INPP4A: variants seen among roughly 807,000 people sequenced by gnomAD.
INPP4A encodes the protein inositol polyphosphate-4-phosphatase type I A.
INPP4A carries 33 observed loss-of-function variants against 119.8 expected under a neutral mutation model. That is an observed-to-expected ratio of 0.28 (90% CI 0.21 to 0.37). The LOEUF is 0.37. Ranked by LOEUF, INPP4A falls within the 10% of genes least tolerant of loss-of-function variation. The probability of loss-of-function intolerance (pLI) is 1.00; values close to 1 mark genes in which losing one functional copy is unlikely to be tolerated. For synonymous variants in INPP4A, 496 were observed against 500.7 expected, an observed-to-expected ratio of 0.99 and a Z score of 0.12; for missense variants, 956 against 1,289.9, an observed-to-expected ratio of 0.74 and a Z score of 3.97.
intron 4 of INPP4A, among the ~76,000 whole-genome samples, chr2:98,523,024 T>TAA (rs1237265680): frequency 1.6e-4 from 25 of 152,330 alleles, no homozygotes; most frequent in African/African-American, 5.5e-4. Context: ...GTTCTCATCC[T>TAA]AAAGAGGGAC....
rs149845045 is a variant in INPP4A, at chr2:98,560,680, C to A, written c.1855+1185C>A. Reference sequence around the variant, plus strand: ...CCTCCGTTGCCTCCCCGGGCCCATGCCTCAGCTGACCTCCACGGCAGGCCA... The same window carrying A: ...CCTCCGTTGCCTCCCCGGGCCCATGACTCAGCTGACCTCCACGGCAGGCCA... On this transcript the variant is annotated intron_variant, in intron 17 of 24. Transcript: ENST00000409851. 3.4e-3 allele frequency among the ~76,000 whole-genome samples: 523 copies of A among 152,350 alleles called. 2 individuals carry two copies. The highest frequency in any genetic ancestry group is 0.012 in the African/African-American group (502 of 41,576).
At chr2:98,450,445 C>T (rs945970042) in intron 1 of INPP4A, among the ~76,000 whole-genome samples, 1 of 152,224 alleles carries the variant, frequency 6.6e-6, no homozygotes, top group African/African-American at 2.4e-5. Context: ...GCATACACAT[C>T]TTTCGAAACC....
intron 1 of INPP4A, among the ~76,000 whole-genome samples, chr2:98,450,834 C>T (rs1447877709): frequency 6.6e-6 from 1 of 152,140 alleles, no homozygotes; most frequent in Non-Finnish European, 1.5e-5. Flanking sequence ...CTCTAGCCTG[C>T]AACCTCGGCT....
chr2:98,478,484 T>TA (rs1311274080), intron 1 of INPP4A, among the ~76,000 whole-genome samples: 1 of 152,086 alleles, frequency 6.6e-6, no homozygotes, highest in Admixed American at 6.5e-5. Context: ...GCGCTGCTGT[T>TA]AGAGTCAAGG....
At chr2:98,563,768 T>C (rs1041928389) in intron 18 of INPP4A, 131 bp downstream of exon 18, 4 of 874,454 alleles carry the variant, frequency 4.6e-6, no homozygotes, top group Admixed American at 2.8e-5. Flanking sequence ...CTGGTGGTGC[T>C]TTAAAGGTTA....
intron 7 of INPP4A, among the ~76,000 whole-genome samples, chr2:98,537,621 C>G (rs1009577629): frequency 2.0e-5 from 3 of 152,180 alleles, no homozygotes; most frequent in Admixed American, 1.3e-4. Context: ...TTCACCAGCA[C>G]GTCCACACTT....
chr2:98,524,359 G>C (rs527361515), intron 4 of INPP4A, among the ~76,000 whole-genome samples: 1 of 152,186 alleles, frequency 6.6e-6, no homozygotes, highest in African/African-American at 2.4e-5. Context: ...AATGAATGAC[G>C]TAAGTGAGCC....
chr2:98,549,035 C>T, intron 13 of INPP4A: 2 of 1,489,676 alleles, frequency 1.3e-6, no homozygotes, highest in Non-Finnish European at 1.9e-6. Flanking sequence ...AAAGCTTGTG[C>T]CATCCCCACA....
chr2:98,544,960 C>T (rs1244000198), intron 11 of INPP4A, among the ~76,000 whole-genome samples: 1 of 152,226 alleles, frequency 6.6e-6, no homozygotes, highest in Admixed American at 6.5e-5. Flanking sequence ...TGCCTCTTAC[C>T]TGGGAAAGTG....
intron 24 of INPP4A, among the ~76,000 whole-genome samples, chr2:98,582,064 A>G (rs1231948113): frequency 1.3e-5 from 2 of 152,198 alleles, no homozygotes; most frequent in Admixed American, 6.5e-5. Flanking sequence ...CTTCTGATGT[A>G]CAACTATTTA....
chr2:98,445,206 G>C (rs1368505713), intron 1 of INPP4A, 121 bp downstream of exon 1: 3 of 152,046 alleles, frequency 2.0e-5, no homozygotes. Context: ...CGGCGCCCGC[G>C]GTTTTCATGG....
At chr2:98,537,557 C>T (rs112148735) in intron 7 of INPP4A, among the ~76,000 whole-genome samples, 3,396 of 152,318 alleles carry the variant, frequency 0.022, 139 homozygotes, top group African/African-American at 0.077. Flanking sequence ...AGCACAGGCA[C>T]TGGCAGCAGC....
At chr2:98,444,782 G>A (rs967496296), upstream of INPP4A, 1 of 152,314 alleles carries the variant, frequency 6.6e-6, no homozygotes, top group Non-Finnish European at 1.5e-5. Flanking sequence ...GTGGGGCGGG[G>A]GTCGCAGGGC....
intron 23 of INPP4A, among the ~76,000 whole-genome samples, chr2:98,573,601 C>G (rs2106445861): frequency 6.6e-6 from 1 of 152,312 alleles, no homozygotes; most frequent in South Asian, 2.1e-4. Flanking sequence ...CCCACCACAC[C>G]TCAGCCACCA....
intron 1 of INPP4A, among the ~76,000 whole-genome samples, chr2:98,516,303 C>G (rs1275103832): frequency 6.6e-6 from 1 of 152,184 alleles, no homozygotes; most frequent in African/African-American, 2.4e-5. Flanking sequence ...CTTCTAAGGT[C>G]TTTTTGACCT....
At chr2:98,482,263 CATT>C (rs1678622251) in intron 1 of INPP4A, among the ~76,000 whole-genome samples, 1 of 152,254 alleles carries the variant, frequency 6.6e-6, no homozygotes, top group South Asian at 2.1e-4. Context: ...GTGGTTCCCA[CATT>C]ATTGGGCTGA....
Position 98,572,924 on chromosome 2 carries a change from T to C in INPP4A, c.2628T>C (p.Ala876=). ...ACGTCGACATTCTCTGGCAAGCTGC[T>C]GAGGTACTGGTTACAGAGAGGAAAA... The part of the protein sequence containing the change: ...NKNVDILWQA[A]EICRRLNGVR... Residue 876 remains alanine, a synonymous_variant, in exon 23 of 25, where the codon GCT becomes GCC. Transcript: ENST00000409851. 2 of 1,567,102 alleles carry C rather than the reference T, an allele frequency of 1.3e-6. No individual in the cohort carries two copies. Among genetic ancestry groups the C allele is most frequent in the Non-Finnish European group, 1.7e-6 (2 of 1,155,622 alleles).
chr2:98,535,090 A>C (rs1331286379), intron 5 of INPP4A, among the ~76,000 whole-genome samples: 1 of 152,178 alleles, frequency 6.6e-6, no homozygotes, highest in African/African-American at 2.4e-5. Flanking sequence ...AGGCCCAGGG[A>C]ATGGTGGCTG....
rs754015423 is a variant in INPP4A at position 98,563,490 on chromosome 2, G to A, written c.1881G>A (p.Pro627=). 16 of 1,613,188 alleles carry A rather than the reference G, an allele frequency of 9.9e-6. No homozygotes were observed. The highest frequency in any genetic ancestry group is 4.5e-5 in the East Asian group (2 of 44,860). ...SPGEWSEALY[P]LLTTLTDCVA... ...GTGAATGGAGTGAGGCCCTTTACCC[G>A]CTGCTGACCACTCTCACCGACTGCG... Residue 627 remains proline (P), a synonymous_variant, in exon 18 of 25, where the codon CCG becomes CCA. Coordinates refer to ENST00000409851, the MANE Select transcript of INPP4A (RefSeq NM_001134225.2).
Sources: allele counts gnomAD v4.1 joint callset (sites outside exome capture counted in the v4.1 genomes callset), GRCh38; gene constraint gnomAD v4.1.1; transcripts MANE v1.5; gene names NCBI Gene and HGNC (gene_info 2026-07-23, HGNC 2026-07-21).